Variants in PBX1 observed in about 807,000 individuals in gnomAD.
The protein encoded by PBX1 is pre-B-cell leukemia transcription factor 1.
PBX1 carries 6 observed loss-of-function variants against 53.4 expected under a neutral mutation model. The observed-to-expected ratio is 0.11, with a 90% CI of 0.06 to 0.22. PBX1 has a LOEUF of 0.22. Among genes scored for constraint, PBX1 ranks in the 10% least tolerant of loss-of-function variants. The probability of loss-of-function intolerance (pLI) is 1.00; values close to 1 mark genes in which losing one functional copy is unlikely to be tolerated. For missense variants in PBX1, 251 were observed against 551.4 expected (o/e 0.46, Z 5.46); for synonymous variants, 204 against 212.3 (o/e 0.96, Z 0.34).
chr1:164,863,406 A>C (rs1264124679), intron 2 of PBX1, among the ~76,000 whole-genome samples: 2 of 152,170 alleles, frequency 1.3e-5, no homozygotes, highest in African/African-American at 4.8e-5. Context: ...CCTACTGTGA[A>C]CCAGGCATTG....
At chr1:164,664,781 A>G (rs183197116) in intron 2 of PBX1, among the ~76,000 whole-genome samples, 32 of 152,324 alleles carry the variant, frequency 2.1e-4, no homozygotes, top group Non-Finnish European at 8.8e-5. Flanking sequence ...CAGCAGGCAA[A>G]AAAAGAGATT....
At chr1:164,871,597 C>T (rs1006608081) in intron 2 of PBX1, among the ~76,000 whole-genome samples, 3 of 152,150 alleles carry the variant, frequency 2.0e-5, no homozygotes, top group African/African-American at 2.4e-5. Context: ...TTGGAGGAAA[C>T]GTCAGGTCTG....
intron 2 of PBX1, among the ~76,000 whole-genome samples, chr1:164,871,362 A>G (rs927321905): frequency 4.6e-5 from 7 of 152,230 alleles, no homozygotes; most frequent in African/African-American, 7.2e-5. Context: ...TAATGGGCAT[A>G]TATTACTGCC....
At chr1:164,665,344 T>C (rs1219474547) in intron 2 of PBX1, among the ~76,000 whole-genome samples, 1 of 152,290 alleles carries the variant, frequency 6.6e-6, no homozygotes, top group East Asian at 1.9e-4. Flanking sequence ...GAGTGCAGTG[T>C]TGCGATCTCA....
At chr1:164,772,234 C>A (rs2102249364) in intron 2 of PBX1, among the ~76,000 whole-genome samples, 1 of 152,316 alleles carries the variant, frequency 6.6e-6, no homozygotes, top group South Asian at 2.1e-4. Context: ...CACCAAAATT[C>A]TTTGCCGTTA....
chr1:164,739,095 T>C (rs1665452511), intron 2 of PBX1, among the ~76,000 whole-genome samples: 1 of 152,190 alleles, frequency 6.6e-6, no homozygotes. Flanking sequence ...TTCAGTACAT[T>C]CTTGAGTAAG....
chr1:164,599,963 C>G (rs939806951), intron 2 of PBX1, among the ~76,000 whole-genome samples: 2 of 152,008 alleles, frequency 1.3e-5, no homozygotes, highest in Admixed American at 1.3e-4. Flanking sequence ...CAATTCTTTT[C>G]CAAACCAAAT....
intron 2 of PBX1, among the ~76,000 whole-genome samples, chr1:164,566,254 AAAAAC>A (rs1342693481): frequency 6.6e-6 from 1 of 152,198 alleles, no homozygotes; most frequent in Non-Finnish European, 1.5e-5. Flanking sequence ...GGGATATTTA[AAAAAC>A]AAAACAAAAC....
chr1:164,702,395 T>C (rs891486459), intron 2 of PBX1, among the ~76,000 whole-genome samples: 2 of 152,184 alleles, frequency 1.3e-5, no homozygotes, highest in Non-Finnish European at 2.9e-5. Context: ...CAGCCTTATT[T>C]GCATTACCTC....
intron 2 of PBX1, among the ~76,000 whole-genome samples, chr1:164,705,147 C>G (rs950317147): frequency 1.3e-5 from 2 of 152,118 alleles, no homozygotes; most frequent in African/African-American, 4.8e-5. Context: ...TGGCTTCCAC[C>G]CATAGATGCC....
rs112924498 is a variant in PBX1, at chr1:164,562,231, A to G, written c.192-1007A>G. Among the ~76,000 whole-genome samples, 274 of 152,214 alleles carry G rather than the reference A, an allele frequency of 1.8e-3. 3 individuals carry two copies. Among genetic ancestry groups the G allele is most frequent in the African/African-American group, 6.3e-3 (263 of 41,530 alleles). On this transcript the variant is annotated intron_variant, in intron 1 of 8. Transcript: ENST00000420696. ...CTCTGTTCTTCATGAGGATGTGTCTATTTTTTAACTTTCAAAGGGATTAAA... is the reference window on the plus strand; with the variant it reads ...CTCTGTTCTTCATGAGGATGTGTCTGTTTTTTAACTTTCAAAGGGATTAAA...
chr1:164,820,117 T>C lies in PBX1; in HGVS notation c.1043T>C (p.Met348Thr). Residue 348 changes from methionine to threonine, a missense_variant, in exon 7 of 9, where the codon ATG becomes ACG. Physicochemically the swap from Met to Thr is moderately conservative, Grantham distance 81. Transcript: ENST00000420696. ...ATGTCAAACTCTGGAGATTTGTTCA[T>C]GAGCGTGCAGTCACTCAATGGGGAT... is the stretch of plus-strand genomic sequence containing the variant. ...FNMSNSGDLF[M>T]SVQSLNGDSY... 1 of 1,613,924 alleles carries C rather than the reference T, an allele frequency of 6.2e-7. No homozygotes were observed. Among genetic ancestry groups the C allele is most frequent in the South Asian group, 1.1e-5 (1 of 91,050 alleles).
intron 2 of PBX1, among the ~76,000 whole-genome samples, chr1:164,791,331 C>T (rs564060700): frequency 9.2e-5 from 14 of 152,278 alleles, no homozygotes; most frequent in African/African-American, 3.4e-4. Flanking sequence ...AAAGATCAGC[C>T]ATCTCATTGA....
At chr1:164,603,929 A>ATTTCATTTTTTTTTTTTTTTTTTTTTTTT (rs1656369037) in intron 2 of PBX1, among the ~76,000 whole-genome samples, 1 of 75,742 alleles carries the variant, frequency 1.3e-5, no homozygotes, top group African/African-American at 6.2e-5. Flanking sequence ...ATGTCATTTC[A>ATTTCATTTTTTTTTTTTTTTTTTTTTTTT]TTTTTTTTTT....
intron 2 of PBX1, among the ~76,000 whole-genome samples, chr1:164,717,426 G>C (rs773672860): frequency 1.3e-5 from 2 of 152,198 alleles, no homozygotes; most frequent in Non-Finnish European, 2.9e-5. Flanking sequence ...TATTGGGAAG[G>C]AACGCTTGGG....
chr1:164,749,135 GA>G (rs1233791724), intron 2 of PBX1, among the ~76,000 whole-genome samples: 5 of 151,760 alleles, frequency 3.3e-5, no homozygotes, highest in African/African-American at 9.7e-5. Flanking sequence ...AAAACAAAGG[GA>G]AAAAAAAGCT....
chr1:164,583,082 C>A lies in PBX1; in HGVS notation c.265+19771C>A, dbSNP rs552824156. 7.9e-5 allele frequency among the ~76,000 whole-genome samples: 12 copies of A among 152,280 alleles called. No homozygotes were observed. In the South Asian group the frequency reaches 1.5e-3, roughly 18 times the overall value. Reference sequence around the variant, plus strand: ...AAAAAGAGGGATGAATCAAAAGTCCCTGTCCTTGAGGAAGGTATGATTTAC... The same window carrying A: ...AAAAAGAGGGATGAATCAAAAGTCCATGTCCTTGAGGAAGGTATGATTTAC... On this transcript the variant is annotated intron_variant, in intron 2 of 8. Transcript: ENST00000420696.
intron 2 of PBX1, among the ~76,000 whole-genome samples, chr1:164,688,047 C>G (rs1237012566): frequency 1.3e-5 from 2 of 152,310 alleles, no homozygotes; most frequent in African/African-American, 4.8e-5. Flanking sequence ...TCTCTAGGAA[C>G]TAATCTTTGT....
intron 2 of PBX1, among the ~76,000 whole-genome samples, chr1:164,603,928 CATT>C (rs1656365520): frequency 2.1e-5 from 1 of 48,734 alleles, no homozygotes. Flanking sequence ...TATGTCATTT[CATT>C]TTTTTTTTTT....
Sources: allele counts gnomAD v4.1 joint callset (sites outside exome capture counted in the v4.1 genomes callset), GRCh38; gene constraint gnomAD v4.1.1; transcripts MANE v1.5; gene names NCBI Gene and HGNC (gene_info 2026-07-23, HGNC 2026-07-21).